CEP85L: variants seen among roughly 807,000 people sequenced by gnomAD.
The protein encoded by CEP85L is centrosomal protein of 85 kDa-like.
A neutral mutation model predicts 100.3 loss-of-function variants in CEP85L; 60 were observed. That is an observed-to-expected ratio of 0.60 (90% CI 0.49 to 0.74). CEP85L has a LOEUF of 0.74. Ranked by LOEUF, CEP85L falls within the 30% of genes least tolerant of loss-of-function variation. The probability of loss-of-function intolerance (pLI) is 0.00; values close to 1 mark genes in which losing one functional copy is unlikely to be tolerated. For missense variants in CEP85L, 973 were observed against 936.2 expected (o/e 1.04, Z -0.51); for synonymous variants, 319 against 322.7 (o/e 0.99, Z 0.12).
intron 2 of CEP85L, among the ~76,000 whole-genome samples, chr6:118,612,109 T>C (rs748398349): frequency 1.3e-5 from 2 of 152,026 alleles, no homozygotes; most frequent in Non-Finnish European, 2.9e-5. Context: ...TCAACAAATT[T>C]AAAGGACTGA....
chr6:118,661,361 T>C (rs1023852911), intron 1 of CEP85L, among the ~76,000 whole-genome samples: 2 of 151,938 alleles, frequency 1.3e-5, no homozygotes, highest in Admixed American at 6.5e-5. Context: ...ATATCCAGAG[T>C]ATTTTTTCTT....
At chr6:118,498,699 T>A (rs796491520) in intron 5 of CEP85L, among the ~76,000 whole-genome samples, 1 of 150,006 alleles carries the variant, frequency 6.7e-6, no homozygotes, top group Non-Finnish European at 1.5e-5. Context: ...AGAAAAGAAA[T>A]GGACAGTTTC....
intron 1 of CEP85L, among the ~76,000 whole-genome samples, chr6:118,649,046 C>T (rs1256286315): frequency 6.6e-6 from 1 of 152,110 alleles, no homozygotes; most frequent in Non-Finnish European, 1.5e-5. Context: ...CATGAATCAA[C>T]TCAGAGGTCA....
chr6:118,623,601 A>G (rs1259529251), intron 2 of CEP85L, among the ~76,000 whole-genome samples: 1 of 152,194 alleles, frequency 6.6e-6, no homozygotes, highest in Non-Finnish European at 1.5e-5. Context: ...CATTTGAGAA[A>G]GTATCTCCCA....
At chr6:118,525,133 G>A (rs1425667953) in intron 3 of CEP85L, among the ~76,000 whole-genome samples, 2 of 152,092 alleles carry the variant, frequency 1.3e-5, no homozygotes, top group Non-Finnish European at 2.9e-5. Flanking sequence ...TACAACAGTA[G>A]TAAGTATATC....
intron 2 of CEP85L, among the ~76,000 whole-genome samples, chr6:118,580,493 C>G (rs534212705): frequency 6.6e-6 from 1 of 152,364 alleles, no homozygotes; most frequent in African/African-American, 2.4e-5. Context: ...GTTAGCTACA[C>G]TTATCGTTGG....
Position 118,525,881 on chromosome 6 carries a change from T to A in CEP85L, c.1021-1961A>T, listed in dbSNP as rs539405893. The stretch of plus-strand genomic sequence containing the variant: ...ACTTCAAGAGAATTCAAATGTGTAG[T>A]GATATTTTTATCCTTTACTTTCCAA... On this transcript the variant is annotated intron_variant, in intron 3 of 12. Transcript: ENST00000368491. 4.6e-5 allele frequency among the ~76,000 whole-genome samples: 7 copies of A among 152,354 alleles called. No individual in the cohort carries two copies. The South Asian group carries it at 1.4e-3, about 32-fold the overall frequency.
chr6:118,567,296 C>A (rs570029832), intron 2 of CEP85L, among the ~76,000 whole-genome samples: 1 of 130,174 alleles, frequency 7.7e-6, no homozygotes, highest in Non-Finnish European at 1.6e-5. Context: ...TATCCATATT[C>A]ACCCCAAGCT....
chr6:118,485,396 TAAC>T (rs1774105020), intron 6 of CEP85L, among the ~76,000 whole-genome samples: 1 of 114,702 alleles, frequency 8.7e-6, no homozygotes, highest in Non-Finnish European at 2.1e-5. Context: ...GTCTAATGTA[TAAC>T]AATTTTTAAA....
Position 118,567,959 on chromosome 6 carries a change from A to G in CEP85L, c.233-1643T>C, listed in dbSNP as rs561485361. Among the ~76,000 whole-genome samples, 5 of 152,366 alleles carry G rather than the reference A, an allele frequency of 3.3e-5. No individual in the cohort carries two copies. In the East Asian group the frequency reaches 9.6e-4, roughly 29 times the overall value. Reference sequence around the variant, plus strand: ...ACTTCCTGCATTTAGGAAAATTCTCACATTACTGACTCCAACCCTCCCAAA... The same window carrying G: ...ACTTCCTGCATTTAGGAAAATTCTCGCATTACTGACTCCAACCCTCCCAAA... On this transcript the variant is annotated intron_variant, in intron 2 of 12. Coordinates refer to ENST00000368491, the MANE Select transcript of CEP85L (RefSeq NM_001042475.3).
chr6:118,489,271 C>CA (rs371393488), intron 6 of CEP85L, among the ~76,000 whole-genome samples: 93,054 of 127,188 alleles, frequency 0.73, 33,421 homozygotes, highest in East Asian at 0.79. Context: ...AGCTCTGTCT[C>CA]AAAAAAAAAA....
chr6:118,491,974 C>T, intron 5 of CEP85L, 109 bp from the exon 6 acceptor site: 1 of 650,256 alleles, frequency 1.5e-6, no homozygotes, highest in Non-Finnish European at 2.5e-6. Flanking sequence ...GCTACATGAA[C>T]AGACACACCT....
chr6:118,550,264 A>C (rs139427053), intron 3 of CEP85L, among the ~76,000 whole-genome samples: 1 of 152,004 alleles, frequency 6.6e-6, no homozygotes, highest in African/African-American at 2.4e-5. Flanking sequence ...CATATCTTTA[A>C]TTAGTGAGAT....
intron 2 of CEP85L, among the ~76,000 whole-genome samples, chr6:118,627,198 C>CAAAAATAAAAAAAAAAAACAAAAAAAAA (rs1773855271): frequency 1.4e-5 from 1 of 72,580 alleles, no homozygotes; most frequent in African/African-American, 5.5e-5. Context: ...GACTCCATCT[C>CAAAAATAAAAAAAAAAAACAAAAAAAAA]AAAAAAAAAA....
chr6:118,569,338 T>C (rs1479099628), intron 2 of CEP85L, among the ~76,000 whole-genome samples: 1 of 42,934 alleles, frequency 2.3e-5, no homozygotes, highest in Non-Finnish European at 3.9e-5. Flanking sequence ...CTAGACTCTG[T>C]CTCAAAAAAA....
rs942762353 is a variant in CEP85L at position 118,488,696 on chromosome 6, C to T, written c.1437+2990G>A. On this transcript the variant is annotated intron_variant, in intron 6 of 12. Coordinates refer to ENST00000368491, the MANE Select transcript of CEP85L (RefSeq NM_001042475.3). ...GCAGGAGGCATGGGGAATGGACATC[C>T]AGATCCAGGGGACCCAATGGAACCC... 2.0e-5 allele frequency among the ~76,000 whole-genome samples: 3 copies of T among 152,016 alleles called. No homozygotes were observed. In the South Asian group the frequency reaches 6.2e-4, roughly 32 times the overall value.
At chr6:118,609,780 C>T (rs543170342) in intron 2 of CEP85L, among the ~76,000 whole-genome samples, 5 of 151,478 alleles carry the variant, frequency 3.3e-5, no homozygotes, top group South Asian at 2.1e-4. Flanking sequence ...GAAAAAAAAA[C>T]GTAGGTGGAA....
At chr6:118,642,191 T>G (rs983246239) in intron 1 of CEP85L, among the ~76,000 whole-genome samples, 5 of 152,154 alleles carry the variant, frequency 3.3e-5, no homozygotes, top group Non-Finnish European at 7.3e-5. Flanking sequence ...TGGGTGAAAT[T>G]TTTGCTGTTA....
intron 1 of CEP85L, among the ~76,000 whole-genome samples, chr6:118,676,647 T>C (rs1310222619): frequency 6.6e-6 from 1 of 152,238 alleles, no homozygotes; most frequent in African/African-American, 2.4e-5. Context: ...ACAATGAACA[T>C]TGAAGTGCAG....
Sources: allele counts gnomAD v4.1 joint callset (sites outside exome capture counted in the v4.1 genomes callset), GRCh38; gene constraint gnomAD v4.1.1; transcripts MANE v1.5; gene names NCBI Gene and HGNC (gene_info 2026-07-23, HGNC 2026-07-21).